KHDRBS2: variants seen among roughly 807,000 people sequenced by gnomAD.
KHDRBS2 encodes the protein KH RNA binding domain containing, signal transduction associated 2, also known as KH domain-containing, RNA-binding, signal transduction-associated protein 2.
A neutral mutation model predicts 44.3 loss-of-function variants in KHDRBS2; 26 were observed. That is an observed-to-expected ratio of 0.59 (90% confidence interval 0.43 to 0.81). The LOEUF (loss-of-function observed/expected upper bound fraction) is 0.81. Among genes scored for constraint, KHDRBS2 ranks in the 40% least tolerant of loss-of-function variants. The pLI, the probability that KHDRBS2 is intolerant of heterozygous loss-of-function variation, is 0.00. For synonymous variants in KHDRBS2, 194 were observed against 151.1 expected (o/e 1.28, Z -2.08); for missense variants, 476 against 433.1 (o/e 1.10, Z -0.88).
chr6:61,585,894 C>G, the KHDRBS2 span, among the ~76,000 whole-genome samples: 1 of 151,978 alleles, frequency 6.6e-6, no homozygotes, highest in African/African-American at 2.4e-5. Context: ...AGACTGAACC[C>G]CAGATCTCTT....
intron 6 of KHDRBS2, among the ~76,000 whole-genome samples, chr6:61,793,197 C>G (rs1478425806): frequency 1.3e-5 from 2 of 151,374 alleles, no homozygotes; most frequent in African/African-American, 2.4e-5. Flanking sequence ...AAACTTATTG[C>G]TGAAAAAAAG....
intron 2 of KHDRBS2, among the ~76,000 whole-genome samples, chr6:62,070,089 A>T (rs1216872975): frequency 6.6e-6 from 1 of 151,564 alleles, no homozygotes; most frequent in East Asian, 2.0e-4. Context: ...TCCTTATTTA[A>T]TTACTATGGT....
intron 4 of KHDRBS2, among the ~76,000 whole-genome samples, chr6:61,966,020 T>C (rs1769852618): frequency 6.6e-6 from 1 of 152,052 alleles, no homozygotes; most frequent in Non-Finnish European, 1.5e-5. Flanking sequence ...ATTCATAGTG[T>C]ACCTCCTCTC....
At chr6:61,790,549 C>T (rs1784480359) in intron 6 of KHDRBS2, among the ~76,000 whole-genome samples, 1 of 151,482 alleles carries the variant, frequency 6.6e-6, no homozygotes, top group South Asian at 2.1e-4. Context: ...AGAAAAATCA[C>T]TTACTTTTTT....
chr6:62,177,057 C>G (rs1821242770), intron 2 of KHDRBS2, 128 bp downstream of exon 2: 1 of 513,124 alleles, frequency 1.9e-6, no homozygotes. Flanking sequence ...ATGTCAGTAT[C>G]ATGTGCTTGC....
intron 2 of KHDRBS2, among the ~76,000 whole-genome samples, chr6:62,119,572 G>A (rs1807101652): frequency 6.6e-6 from 1 of 152,146 alleles, no homozygotes; most frequent in South Asian, 2.1e-4. Context: ...GATAAAGTAA[G>A]GGCAATGATT....
downstream of KHDRBS2, among the ~76,000 whole-genome samples, chr6:61,676,460 A>G (rs1765948884): frequency 2.6e-5 from 4 of 151,818 alleles, no homozygotes; most frequent in South Asian, 4.1e-4. Flanking sequence ...CTTGGATTTA[A>G]GTTCTGGAGG....
chr6:61,975,680 C>CACACACACACACAG lies in KHDRBS2; in HGVS notation c.483+2385_483+2386insCTGTGTGTGTGTGT, dbSNP rs148696826. Among the ~76,000 whole-genome samples, 221 of 149,850 alleles carry CACACACACACACAG rather than the reference C, an allele frequency of 1.5e-3. 2 individuals carry two copies. The highest frequency in any genetic ancestry group is 3.4e-3 in the Middle Eastern group (1 of 292). On this transcript the variant is annotated intron_variant, in intron 4 of 8. Coordinates refer to ENST00000281156, the MANE Select transcript of KHDRBS2 (RefSeq NM_152688.4). ...ACACACACACACACACACACACACA[C>CACACACACACACAG]AGAGAGATATAAAACATCTGAAGGT...
chr6:62,283,583 T>C (rs375837788), intron 1 of KHDRBS2, among the ~76,000 whole-genome samples: 2 of 152,108 alleles, frequency 1.3e-5, no homozygotes, highest in African/African-American at 2.4e-5. Context: ...TGAATATCTA[T>C]GTCAGGTTTA....
At chr6:61,798,570 T>C (rs1485949414) in intron 6 of KHDRBS2, among the ~76,000 whole-genome samples, 3 of 152,100 alleles carry the variant, frequency 2.0e-5, no homozygotes, top group Non-Finnish European at 4.4e-5. Flanking sequence ...CTATAAAAGA[T>C]GATTTTAATG....
At position 61,837,889 on chromosome 6, in the gene KHDRBS2, A is replaced by G. The variant is rs1387692262; in HGVS notation, c.810+56746T>C. ...GAACCTGTGCACCTATGACAGCAGT[A>G]TGGTAGATGCTCTATCAGCTGATCA... On this transcript the variant is annotated intron_variant, in intron 6 of 8. Coordinates refer to ENST00000281156, the MANE Select transcript of KHDRBS2 (RefSeq NM_152688.4). Among the ~76,000 whole-genome samples, 3 of 152,174 alleles carry G rather than the reference A, an allele frequency of 2.0e-5. No homozygotes were observed. In the South Asian group the frequency reaches 6.2e-4, roughly 31 times the overall value.
chr6:61,612,212 C>A, the KHDRBS2 span, among the ~76,000 whole-genome samples: 1 of 152,082 alleles, frequency 6.6e-6, no homozygotes, highest in Non-Finnish European at 1.5e-5. Flanking sequence ...ATTTGTTCTC[C>A]TTTATGAGGC....
chr6:61,738,624 C>T (rs1775730753), intron 6 of KHDRBS2, among the ~76,000 whole-genome samples: 1 of 151,896 alleles, frequency 6.6e-6, no homozygotes, highest in Non-Finnish European at 1.5e-5. Flanking sequence ...CCACTTCACG[C>T]ATTTGGGTAT....
At chr6:61,704,942 T>G (rs1769271772) in intron 7 of KHDRBS2, among the ~76,000 whole-genome samples, 1 of 151,886 alleles carries the variant, frequency 6.6e-6, no homozygotes, top group Non-Finnish European at 1.5e-5. Context: ...AAATGATTTG[T>G]AAACACAATT....
chr6:62,202,873 T>G (rs1451367568), intron 1 of KHDRBS2, among the ~76,000 whole-genome samples: 1 of 152,050 alleles, frequency 6.6e-6, no homozygotes. Flanking sequence ...GTATGAAAAT[T>G]TATTCCAGGA....
chr6:62,058,151 T>C (rs759510233), intron 2 of KHDRBS2, among the ~76,000 whole-genome samples: 46 of 151,884 alleles, frequency 3.0e-4, no homozygotes, highest in Non-Finnish European at 5.9e-4. Context: ...TCAAATAAGA[T>C]AGGCAATACA....
At chr6:62,084,379 C>G (rs1021247297) in intron 2 of KHDRBS2, among the ~76,000 whole-genome samples, 3 of 152,058 alleles carry the variant, frequency 2.0e-5, no homozygotes, top group Non-Finnish European at 4.4e-5. Context: ...AAAACTCCAC[C>G]AAAGTTGATA....
intron 6 of KHDRBS2, among the ~76,000 whole-genome samples, chr6:61,770,978 A>AG (rs1488277104): frequency 6.6e-6 from 1 of 152,234 alleles, no homozygotes; most frequent in Non-Finnish European, 1.5e-5. Context: ...TCAGACTAAC[A>AG]GCGGATCTCT....
intron 6 of KHDRBS2, among the ~76,000 whole-genome samples, chr6:61,787,447 A>G (rs963154781): frequency 2.6e-5 from 4 of 151,804 alleles, no homozygotes; most frequent in African/African-American, 4.8e-5. Context: ...TACACATTTT[A>G]TCTCTTGCGG....
Sources: allele counts gnomAD v4.1 joint callset (sites outside exome capture counted in the v4.1 genomes callset), GRCh38; gene constraint gnomAD v4.1.1; transcripts MANE v1.5; gene names NCBI Gene and HGNC (gene_info 2026-07-23, HGNC 2026-07-21).